RADIL: variants seen among roughly 807,000 people sequenced by gnomAD.
The protein encoded by RADIL is Rap associating with DIL domain.
A neutral mutation model predicts 97.6 loss-of-function variants in RADIL; 99 were observed. The observed-to-expected ratio is 1.01, with a 90% CI of 0.86 to 1.20. The LOEUF (loss-of-function observed/expected upper bound fraction) is 1.20. Among genes scored for constraint, RADIL ranks in the 50% most tolerant of loss-of-function variants. RADIL has a pLI of 0.00. For missense variants in RADIL, 1,765 were observed against 1,498.9 expected, an observed-to-expected ratio of 1.18 and a Z score of -2.93; for synonymous variants, 803 against 691.8, an observed-to-expected ratio of 1.16 and a Z score of -2.52.
intron 2 of RADIL, among the ~76,000 whole-genome samples, chr7:4,846,749 T>C (rs1783585219): frequency 6.6e-6 from 1 of 151,090 alleles, no homozygotes. Flanking sequence ...TTTCACCATG[T>C]TGGCCAGGCT....
Position 4,817,187 on chromosome 7 carries a change from C to T in RADIL, c.1728+52G>A. On this transcript the variant is annotated intron_variant, in intron 7 of 14. Transcript: ENST00000399583. The surrounding 1 kb of genome is among the most constrained non-coding windows in gnomAD (Gnocchi z 8.3). ...AGAGCCACAGGCACAAGCTTGAGCC[C>T]CACTTGATCCCAGGAGCTGCCTGAG... The T allele has an allele frequency of 2.0e-6, 3 of 1,515,300 alleles. No homozygotes were observed. The highest frequency in any genetic ancestry group is 2.7e-6 in the Non-Finnish European group (3 of 1,102,780). The allele number at this position is 1,515,300 out of a possible 1,614,324, so 93.9% of individuals were successfully genotyped here. A position where few individuals can be genotyped will look rare whatever the true frequency, so the allele number is the denominator to read the frequency against.
rs1001723481 is a variant in RADIL at position 4,867,367 on chromosome 7, C to T, written c.535+10238G>A. The stretch of plus-strand genomic sequence containing the variant: ...GTGTCACCATTTTAGTAGGAAGAAG[C>T]TGTACCCAATTTGAGTGTCTGTGCT... On this transcript the variant is annotated intron_variant, in intron 2 of 14. Transcript: ENST00000399583. This position sits in a 1 kb window ranked among gnomAD's most constrained non-coding sequence, Gnocchi z 4.1. Among the ~76,000 whole-genome samples the T allele has an allele frequency of 1.3e-5, 2 of 152,032 alleles. No individual in the cohort carries two copies. The highest frequency in any genetic ancestry group is 2.9e-5 in the Non-Finnish European group (2 of 68,008).
chr7:4,837,646 CACAT>C lies in RADIL; in HGVS notation c.536-1045_536-1042del, dbSNP rs1207267101. Among the ~76,000 whole-genome samples the C allele has an allele frequency of 2.6e-5, 4 of 152,260 alleles. No individual in the cohort carries two copies. Among genetic ancestry groups the C allele is most frequent in the Middle Eastern group, 3.4e-3 (1 of 294 alleles). Reference sequence around the variant, plus strand: ...ATGCACCCAAAAACACACATGCACACACATACACACACGCCAACACACATGCACC... The same window carrying C: ...ATGCACCCAAAAACACACATGCACACACACACACGCCAACACACATGCACC... On this transcript the variant is annotated intron_variant, in intron 2 of 14. Transcript: ENST00000399583. This position sits in a 1 kb window ranked among gnomAD's most constrained non-coding sequence, Gnocchi z 5.6.
At position 4,880,196 on chromosome 7, in the gene RADIL, G is replaced by C. The variant is rs1234718899; in HGVS notation, c.-64-1993C>G. On this transcript the variant is annotated intron_variant, in intron 1 of 14. Transcript: ENST00000399583. The surrounding 1 kb of genome is among the most constrained non-coding windows in gnomAD (Gnocchi z 4.5). ...GCAGATGGAGCCTTGAGGTTCCATCGAGCCAGGCCATAAAGGAGTAAAGGA... is the reference window on the plus strand; with the variant it reads ...GCAGATGGAGCCTTGAGGTTCCATCCAGCCAGGCCATAAAGGAGTAAAGGA... 6.6e-6 allele frequency among the ~76,000 whole-genome samples: 1 copy of C among 152,072 alleles called. No individual in the cohort carries two copies. Among genetic ancestry groups the C allele is most frequent in the South Asian group, 2.1e-4 (1 of 4,824 alleles).
rs1784157967 is a variant in RADIL at position 4,867,580 on chromosome 7, A to G, written c.535+10025T>C. On this transcript the variant is annotated intron_variant, in intron 2 of 14. Transcript: ENST00000399583. This position sits in a 1 kb window ranked among gnomAD's most constrained non-coding sequence, Gnocchi z 4.1. ...AGGATCACTTGAGCCCAGGAGTTTG[A>G]GACCAGTCTGGCAACATAGTGAGGC... Among the ~76,000 whole-genome samples the G allele has an allele frequency of 6.6e-6, 1 of 152,112 alleles. No individual in the cohort carries two copies. The highest frequency in any genetic ancestry group is 6.6e-5 in the Admixed American group (1 of 15,266).
chr7:4,803,836 AC>A, intron 10 of RADIL, 82 bp from the exon 11 acceptor site: 2 of 1,292,508 alleles, frequency 1.5e-6, no homozygotes, highest in Non-Finnish European at 2.2e-6. Flanking sequence ...CGGTGTGGGA[AC>A]CCAGGGGCCA....
At chr7:4,877,314 A>C (rs1374542330) in intron 2 of RADIL, among the ~76,000 whole-genome samples, 3 of 152,136 alleles carry the variant, frequency 2.0e-5, no homozygotes, top group Non-Finnish European at 4.4e-5. Context: ...GTGGTGGTGC[A>C]CCTATAGTCC....
intron 2 of RADIL, chr7:4,858,315 T>C (rs1783885582): frequency 6.6e-6 from 1 of 152,212 alleles, no homozygotes. Flanking sequence ...GGAAAGCCTG[T>C]TAAGTTTGCT....
intron 2 of RADIL, among the ~76,000 whole-genome samples, chr7:4,863,779 G>T (rs985161092): frequency 5.3e-5 from 8 of 152,252 alleles, no homozygotes; most frequent in Non-Finnish European, 8.8e-5. Flanking sequence ...AATTGTATTT[G>T]GAGGGGTCTC....
intron 5 of RADIL, among the ~76,000 whole-genome samples, chr7:4,828,372 C>T (rs1013104926): frequency 1.3e-5 from 2 of 152,206 alleles, no homozygotes; most frequent in African/African-American, 2.4e-5. Flanking sequence ...GAGCGGGAAT[C>T]GCTTCAGCCC....
intron 11 of RADIL, among the ~76,000 whole-genome samples, chr7:4,802,573 C>T (rs1484300377): frequency 7.2e-6 from 1 of 138,594 alleles, no homozygotes; most frequent in Non-Finnish European, 1.6e-5. Context: ...CCGGGCACCT[C>T]GGGGCACTCT....
At chr7:4,863,025 G>A (rs2115036604) in intron 2 of RADIL, among the ~76,000 whole-genome samples, 1 of 152,282 alleles carries the variant, frequency 6.6e-6, no homozygotes, top group South Asian at 2.1e-4. Flanking sequence ...GGCACTTCCT[G>A]GGAATATGTT....
intron 2 of RADIL, among the ~76,000 whole-genome samples, chr7:4,838,953 G>A (rs542438814): frequency 1.3e-4 from 20 of 151,100 alleles, no homozygotes; most frequent in African/African-American, 3.0e-4. Flanking sequence ...GCATGCACAC[G>A]TGCACACGTG....
chr7:4,832,979 G>A (rs1408654248), intron 4 of RADIL, among the ~76,000 whole-genome samples: 1 of 152,172 alleles, frequency 6.6e-6, no homozygotes, highest in Non-Finnish European at 1.5e-5. Context: ...GGGTGCAGGG[G>A]GAAGAGGTGG....
At chr7:4,808,066 CTCCCTCTGT>C in intron 9 of RADIL, among the ~76,000 whole-genome samples, 1 of 128,206 alleles carries the variant, frequency 7.8e-6, no homozygotes, top group Non-Finnish European at 1.7e-5. Context: ...CTCTCCCTCC[CTCCCTCTGT>C]CTCTCTCCCC....
At chr7:4,856,764 C>T (rs1368719455) in intron 2 of RADIL, among the ~76,000 whole-genome samples, 1 of 152,196 alleles carries the variant, frequency 6.6e-6, no homozygotes, top group Non-Finnish European at 1.5e-5. Context: ...TTGAGAATAA[C>T]ATGCATTTTC....
At chr7:4,800,135 A>C in intron 13 of RADIL, 36 bp downstream of exon 13, 1 of 1,582,874 alleles carries the variant, frequency 6.3e-7, no homozygotes, top group Admixed American at 1.8e-5. Flanking sequence ...CCAGGCAGCC[A>C]GTATGGGGGT....
chr7:4,800,802 C>T (rs538982472), intron 12 of RADIL, among the ~76,000 whole-genome samples: 1 of 152,194 alleles, frequency 6.6e-6, no homozygotes, highest in South Asian at 2.1e-4. Context: ...CGTGGGTGCA[C>T]TTAGGTCAGA....
intron 8 of RADIL, 120 bp downstream of exon 8, chr7:4,816,108 C>T (rs1010130658): frequency 3.4e-6 from 3 of 891,552 alleles, no homozygotes; most frequent in Non-Finnish European, 5.3e-6. Flanking sequence ...ACCAGACGCT[C>T]AGGGAGCAGG....
Sources: allele counts gnomAD v4.1 joint callset (sites outside exome capture counted in the v4.1 genomes callset), GRCh38; gene constraint gnomAD v4.1.1; non-coding constraint Gnocchi (gnomAD v3.1); transcripts MANE v1.5; gene names NCBI Gene and HGNC (gene_info 2026-07-23, HGNC 2026-07-21).